Variants in AP3B1 observed in about 807,000 individuals in gnomAD.
AP3B1 encodes the protein AP-3 complex subunit beta-1.
In AP3B1, 61 loss-of-function variants were observed where a neutral mutation model predicts 132.5. The ratio of observed to expected loss-of-function variants is 0.46; its 90% confidence interval spans 0.37 to 0.57. AP3B1 has a LOEUF of 0.57. Ranked by LOEUF, AP3B1 falls within the 20% of genes least tolerant of loss-of-function variation. AP3B1 has a pLI of 0.00. For missense variants in AP3B1, 1,120 were observed against 1,289.4 expected (o/e 0.87, Z 2.01); for synonymous variants, 388 against 438.3 (o/e 0.89, Z 1.43).
intron 22 of AP3B1, among the ~76,000 whole-genome samples, chr5:78,080,301 G>A (rs1442808170): frequency 2.6e-5 from 4 of 152,124 alleles, no homozygotes; most frequent in Non-Finnish European, 5.9e-5. Flanking sequence ...GAGCCACTGT[G>A]CCCAGCCTGT....
intron 6 of AP3B1, among the ~76,000 whole-genome samples, chr5:78,218,617 T>C (rs1464784880): frequency 2.6e-5 from 4 of 152,072 alleles, no homozygotes; most frequent in Non-Finnish European, 5.9e-5. Flanking sequence ...AAGCTGGTAA[T>C]GAAAAAAATC....
At chr5:78,245,950 A>G (rs1300314004) in intron 2 of AP3B1, among the ~76,000 whole-genome samples, 1 of 152,202 alleles carries the variant, frequency 6.6e-6, no homozygotes, top group Non-Finnish European at 1.5e-5. Flanking sequence ...AAGGAAGACA[A>G]GTTTTCAGGT....
At chr5:78,220,072 T>C (rs1030306881) in intron 6 of AP3B1, among the ~76,000 whole-genome samples, 1 of 151,942 alleles carries the variant, frequency 6.6e-6, no homozygotes, top group South Asian at 2.1e-4. Flanking sequence ...AATTTGGTGG[T>C]GGGGGGCAGG....
chr5:78,067,202 T>G (rs1749329364), intron 22 of AP3B1, among the ~76,000 whole-genome samples: 1 of 152,138 alleles, frequency 6.6e-6, no homozygotes, highest in Non-Finnish European at 1.5e-5. Flanking sequence ...AAAGGCTCAA[T>G]TCAACAAGAA....
At chr5:78,117,312 ATTT>A (rs55983344) in intron 17 of AP3B1, among the ~76,000 whole-genome samples, 9 of 140,440 alleles carry the variant, frequency 6.4e-5, no homozygotes, top group African/African-American at 2.4e-4. Context: ...ATTTTGTGCA[ATTT>A]TTTTTTTTTT....
intron 7 of AP3B1, among the ~76,000 whole-genome samples, chr5:78,204,624 C>A (rs186506660): frequency 2.0e-5 from 3 of 152,282 alleles, no homozygotes; most frequent in African/African-American, 7.2e-5. Context: ...ATCTATTGCC[C>A]CAAGGGGCAT....
intron 11 of AP3B1, among the ~76,000 whole-genome samples, chr5:78,173,100 A>G (rs2112395441): frequency 6.6e-6 from 1 of 152,324 alleles, no homozygotes; most frequent in Admixed American, 6.5e-5. Context: ...TGAGTTCTAA[A>G]TTTGATTGCA....
intron 1 of AP3B1, among the ~76,000 whole-genome samples, chr5:78,285,228 G>T (rs1251753755): frequency 6.7e-6 from 1 of 148,832 alleles, no homozygotes; most frequent in South Asian, 2.1e-4. Context: ...CAGCCTGGGC[G>T]ACAGAGCAAG....
Position 78,141,256 on chromosome 5 carries a change from T to C in AP3B1, c.1537A>G (p.Ile513Val), listed in dbSNP as rs1454913423. 1.4e-5 allele frequency: 22 copies of C among 1,613,652 alleles called. No individual in the cohort carries two copies. Among genetic ancestry groups the C allele is most frequent in the Admixed American group, 1.7e-5 (1 of 59,978 alleles). Residue 513 changes from isoleucine (I) to valine (V), a missense_variant, in exon 15 of 27, where the codon ATT (isoleucine) becomes GTT (valine). Coordinates refer to ENST00000255194, the MANE Select transcript of AP3B1 (RefSeq NM_003664.5). ...IGENCERVPK[I>V]APDVLRKMAK... is the part of the protein sequence containing the mutation. ...ATCTTCCTCAAAACATCAGGGGCAA[T>C]TTTAGGAACTCGTTCACAGTTTTCT...
At chr5:78,167,731 T>C (rs1056477824) in intron 11 of AP3B1, among the ~76,000 whole-genome samples, 1 of 151,486 alleles carries the variant, frequency 6.6e-6, no homozygotes, top group South Asian at 2.1e-4. Context: ...CTAGATAGAA[T>C]TGGAGACTAT....
At chr5:78,222,170 A>T (rs1376223413) in intron 6 of AP3B1, 2 of 152,334 alleles carry the variant, frequency 1.3e-5, no homozygotes, top group Non-Finnish European at 2.9e-5. Context: ...CTTCTGCCTC[A>T]GAGTTGGTGC....
At chr5:78,096,844 C>T (rs1361559610) in intron 21 of AP3B1, among the ~76,000 whole-genome samples, 9 of 142,110 alleles carry the variant, frequency 6.3e-5, no homozygotes, top group Non-Finnish European at 1.2e-4. Flanking sequence ...GGAGGGGGGG[C>T]TCAGCCCCCG....
At chr5:78,119,616 G>A (rs1027042847) in intron 17 of AP3B1, among the ~76,000 whole-genome samples, 5 of 152,184 alleles carry the variant, frequency 3.3e-5, no homozygotes, top group Admixed American at 1.3e-4. Flanking sequence ...TGAATGAAAT[G>A]AAGTGAGAAG....
chr5:78,241,447 AT>A (rs1747135718), intron 2 of AP3B1, among the ~76,000 whole-genome samples: 1 of 152,008 alleles, frequency 6.6e-6, no homozygotes, highest in Non-Finnish European at 1.5e-5. Context: ...TATTTTTGCT[AT>A]TTTCTATTTT....
intron 8 of AP3B1, among the ~76,000 whole-genome samples, chr5:78,180,720 T>A (rs995965291): frequency 5.3e-5 from 8 of 151,878 alleles, no homozygotes; most frequent in Non-Finnish European, 1.2e-4. Flanking sequence ...GGTTAAAAAA[T>A]ATATATATAT....
At chr5:78,109,706 A>T (rs1259394302) in intron 20 of AP3B1, among the ~76,000 whole-genome samples, 1 of 152,112 alleles carries the variant, frequency 6.6e-6, no homozygotes, top group Non-Finnish European at 1.5e-5. Flanking sequence ...GGCAAAATTC[A>T]GTGTTAAAAA....
At chr5:78,250,125 G>A (rs1003128023) in intron 2 of AP3B1, among the ~76,000 whole-genome samples, 3 of 152,094 alleles carry the variant, frequency 2.0e-5, no homozygotes, top group African/African-American at 4.8e-5. Flanking sequence ...AATCAAAAGT[G>A]GACCTAATTT....
Position 78,156,482 on chromosome 5 carries a change from A to C in AP3B1, c.1364-115T>G, listed in dbSNP as rs764244275. On this transcript the variant is annotated intron_variant, in intron 13 of 26. Coordinates refer to ENST00000255194, the MANE Select transcript of AP3B1 (RefSeq NM_003664.5). ...ACATTCTATTTAATACAAGCCTTAA[A>C]AGACTATGTGAAAGCATAACCATGA... 8.4e-4 allele frequency: 675 copies of C among 803,560 alleles called. 4 individuals are homozygous for C. The highest frequency in any genetic ancestry group is 1.7e-4 in the Non-Finnish European group (86 of 494,328). The allele number at this position is 803,560 out of a possible 1,614,324, so 49.8% of individuals were successfully genotyped here.
chr5:78,224,632 T>C (rs1467933314), intron 6 of AP3B1, among the ~76,000 whole-genome samples: 1 of 151,688 alleles, frequency 6.6e-6, no homozygotes, highest in Non-Finnish European at 1.5e-5. Flanking sequence ...TGCAAAAATA[T>C]AAACAGGCTG....
Sources: allele counts gnomAD v4.1 joint callset (sites outside exome capture counted in the v4.1 genomes callset), GRCh38; gene constraint gnomAD v4.1.1; transcripts MANE v1.5; gene names NCBI Gene and HGNC (gene_info 2026-07-23, HGNC 2026-07-21).